Variants in MBD5 observed in about 807,000 individuals in gnomAD.
The protein encoded by MBD5 is methyl-CpG binding domain protein 5.
Under a neutral mutation model 117.3 loss-of-function variants are expected in MBD5, and 13 were observed. That is an observed-to-expected ratio of 0.11 (90% CI 0.07 to 0.18). The LOEUF (loss-of-function observed/expected upper bound fraction) is 0.18, where lower values mean the gene tolerates loss of function less well. Among genes scored for constraint, MBD5 ranks in the 10% least tolerant of loss-of-function variants. The pLI is 1.00. For missense variants in MBD5, 1,879 were observed against 2,093.8 expected, an observed-to-expected ratio of 0.90 and a Z score of 2.00; for synonymous variants, 727 against 766.4, an observed-to-expected ratio of 0.95 and a Z score of 0.85.
intron 12 of MBD5, among the ~76,000 whole-genome samples, chr2:148,503,345 T>C (rs533167501): frequency 6.6e-6 from 1 of 152,336 alleles, no homozygotes; most frequent in Non-Finnish European, 1.5e-5. Flanking sequence ...ATAGGCTTAA[T>C]GTGTATATGT....
chr2:148,494,410 A>C (rs1412520449), intron 11 of MBD5, among the ~76,000 whole-genome samples: 1 of 151,944 alleles, frequency 6.6e-6, no homozygotes, highest in African/African-American at 2.4e-5. Context: ...TCTTTCCTCA[A>C]TGTTTCTAAA....
intron 1 of MBD5, among the ~76,000 whole-genome samples, chr2:148,161,257 C>T (rs917224555): frequency 6.6e-6 from 1 of 152,162 alleles, no homozygotes; most frequent in African/African-American, 2.4e-5. Context: ...CAGCTGTGAG[C>T]TCTAATCCAG....
chr2:148,421,319 G>A (rs1405707773), intron 4 of MBD5, among the ~76,000 whole-genome samples: 1 of 152,180 alleles, frequency 6.6e-6, no homozygotes, highest in Non-Finnish European at 1.5e-5. Flanking sequence ...GGAAGCACAA[G>A]CGGTCAGGGT....
At chr2:148,321,384 T>C (rs1017203452) in intron 3 of MBD5, among the ~76,000 whole-genome samples, 2 of 152,210 alleles carry the variant, frequency 1.3e-5, no homozygotes, top group Admixed American at 1.3e-4. Context: ...TTCAAAGCCA[T>C]CCTGGGTCTC....
chr2:148,178,754 A>G lies in MBD5; in HGVS notation c.-870A>G. On this transcript the variant is annotated 5_prime_UTR_variant, in exon 2 of 14. The change abolishes an upstream ATG in the 5' untranslated region. Transcript: ENST00000642680. Reference sequence around the variant, plus strand: ...GTGGGAAGTAGACATTGAAGGCTTTATGGTTTACAGACAAGATCTTTAGAA... The same window carrying G: ...GTGGGAAGTAGACATTGAAGGCTTTGTGGTTTACAGACAAGATCTTTAGAA... The G allele has an allele frequency of 5.0e-6, 2 of 398,542 alleles. No individual in the cohort carries two copies. The highest frequency in any genetic ancestry group is 8.9e-6 in the Non-Finnish European group (2 of 225,800). The allele number at this position is 398,542 out of a possible 1,614,324, so 24.7% of individuals were successfully genotyped here.
At position 148,181,066 on chromosome 2, in the gene MBD5, T is replaced by G. The variant is rs560560187; in HGVS notation, c.-831+2273T>G. On this transcript the variant is annotated intron_variant, in intron 2 of 13. Transcript: ENST00000642680. ...TAGCATCTTATGGTACAATTTGTTTTACCTCTGACCTCTCCTCACCCTGAC... is the reference window on the plus strand; with the variant it reads ...TAGCATCTTATGGTACAATTTGTTTGACCTCTGACCTCTCCTCACCCTGAC... Among the ~76,000 whole-genome samples the G allele has an allele frequency of 4.6e-5, 7 of 152,358 alleles. No individual in the cohort carries two copies. The East Asian group carries it at 1.3e-3, about 29-fold the overall frequency.
At chr2:148,396,746 G>T (rs1704726849) in intron 4 of MBD5, among the ~76,000 whole-genome samples, 1 of 152,164 alleles carries the variant, frequency 6.6e-6, no homozygotes, top group Non-Finnish European at 1.5e-5. Flanking sequence ...TGAGACTGGG[G>T]TATTCTTACA....
chr2:148,433,305 G>T (rs1706049151), intron 4 of MBD5, among the ~76,000 whole-genome samples: 2 of 152,080 alleles, frequency 1.3e-5, no homozygotes, highest in South Asian at 4.2e-4. Flanking sequence ...TGCAAACAGG[G>T]GTAGTTTGAC....
At chr2:148,411,103 A>G (rs944322830) in intron 4 of MBD5, among the ~76,000 whole-genome samples, 1 of 152,190 alleles carries the variant, frequency 6.6e-6, no homozygotes, top group Non-Finnish European at 1.5e-5. Flanking sequence ...AAGTAAAAAC[A>G]TGCAATATTT....
At chr2:148,299,464 T>C (rs895875486) in intron 3 of MBD5, among the ~76,000 whole-genome samples, 1 of 152,180 alleles carries the variant, frequency 6.6e-6, no homozygotes, top group Non-Finnish European at 1.5e-5. Context: ...CTAAAGTTGT[T>C]TGTAACTTTA....
At chr2:148,503,790 C>A (rs1460347119) in intron 12 of MBD5, among the ~76,000 whole-genome samples, 4 of 152,098 alleles carry the variant, frequency 2.6e-5, no homozygotes, top group African/African-American at 7.2e-5. Flanking sequence ...AGCTTAGCAA[C>A]AAGATAAGGC....
At chr2:148,297,747 A>G (rs951301631) in intron 3 of MBD5, among the ~76,000 whole-genome samples, 1 of 151,658 alleles carries the variant, frequency 6.6e-6, no homozygotes, top group Admixed American at 6.6e-5. Context: ...GTCATTTCCT[A>G]TTGTTCACCG....
At chr2:148,233,806 A>G (rs1470982537) in intron 3 of MBD5, among the ~76,000 whole-genome samples, 2 of 152,172 alleles carry the variant, frequency 1.3e-5, no homozygotes, top group African/African-American at 4.8e-5. Flanking sequence ...TATGAGTTTT[A>G]TATAGTTAAA....
chr2:148,314,498 C>T (rs1013445496), intron 3 of MBD5, among the ~76,000 whole-genome samples: 2 of 150,996 alleles, frequency 1.3e-5, no homozygotes, highest in African/African-American at 4.9e-5. Context: ...CTATCTCAGC[C>T]CCCCAGGTAG....
At chr2:148,225,236 C>A (rs746768355) in intron 2 of MBD5, among the ~76,000 whole-genome samples, 1 of 151,818 alleles carries the variant, frequency 6.6e-6, no homozygotes, top group Non-Finnish European at 1.5e-5. Context: ...TTGAGGTTAC[C>A]AAGAGGTTTG....
chr2:148,329,045 T>G (rs776371763), intron 3 of MBD5, among the ~76,000 whole-genome samples: 2 of 152,242 alleles, frequency 1.3e-5, no homozygotes, highest in African/African-American at 2.4e-5. Context: ...ATTTTTGCAT[T>G]ATTACATTCA....
Position 148,169,090 on chromosome 2 carries a change from A to T in MBD5, c.-924-9610A>T, listed in dbSNP as rs1698197405. 2.0e-5 allele frequency among the ~76,000 whole-genome samples: 3 copies of T among 151,854 alleles called. No individual in the cohort carries two copies. In the South Asian group the frequency reaches 6.2e-4, roughly 31 times the overall value. The stretch of plus-strand genomic sequence containing the variant: ...AAGAATGGAAAAATAAATGGAAATT[A>T]CCCCTAAAGTTAAAATATATGAATT... On this transcript the variant is annotated intron_variant, in intron 1 of 13. Coordinates refer to ENST00000642680, the MANE Select transcript of MBD5 (RefSeq NM_001378120.1).
chr2:148,464,002 C>T (rs1707179904), intron 7 of MBD5, 83 bp downstream of exon 7: 6 of 1,430,672 alleles, frequency 4.2e-6, no homozygotes, highest in African/African-American at 1.4e-5. Flanking sequence ...AGCATTTTCT[C>T]ATTCTACTTT....
intron 3 of MBD5, among the ~76,000 whole-genome samples, chr2:148,292,784 G>A (rs1055973251): frequency 1.3e-5 from 2 of 152,008 alleles, no homozygotes; most frequent in African/African-American, 2.4e-5. Context: ...GTTTGTTGCA[G>A]CACTGTTTAC....
Sources: allele counts gnomAD v4.1 joint callset (sites outside exome capture counted in the v4.1 genomes callset), GRCh38; gene constraint gnomAD v4.1.1; transcripts MANE v1.5; gene names NCBI Gene and HGNC (gene_info 2026-07-23, HGNC 2026-07-21).